Variants in PLAC1 observed in about 807,000 individuals in gnomAD.
PLAC1 encodes the protein placenta associated 1.
For missense variants in PLAC1, 136 were observed against 163.2 expected (o/e 0.83, Z 0.91); for synonymous variants, 68 against 62.1 (o/e 1.09, Z -0.44).
At chrX:134,690,913 G>C (rs2078534086) in intron 2 of PLAC1, among the ~76,000 whole-genome samples, 1 of 74,747 alleles carries the variant, frequency 1.3e-5, no homozygotes, top group Non-Finnish European at 2.3e-5. Context: ...CTGCACTCCA[G>C]CCTGGGCGAC....
chrX:134,581,690 G>GC (rs1312965431), intron 2 of PLAC1, among the ~76,000 whole-genome samples: 5 of 109,840 alleles, frequency 4.6e-5, no homozygotes, highest in Non-Finnish European at 9.5e-5. Flanking sequence ...TGTTGGCCAG[G>GC]CTGGTCTCAA....
intron 2 of PLAC1, among the ~76,000 whole-genome samples, chrX:134,582,558 A>G (rs1250722472): frequency 3.6e-5 from 4 of 112,167 alleles, no homozygotes; most frequent in Non-Finnish European, 7.5e-5. Flanking sequence ...ACAAGGGCTT[A>G]TGGTTTTGCT....
chrX:134,644,655 C>T (rs1444554068), intron 1 of PLAC1, among the ~76,000 whole-genome samples: 1 of 108,389 alleles, frequency 9.2e-6, no homozygotes, highest in Non-Finnish European at 1.9e-5. Flanking sequence ...CATGTGTTTT[C>T]ATTGTTCAGG....
intron 1 of PLAC1, among the ~76,000 whole-genome samples, chrX:134,647,243 G>A (rs1334189931): frequency 8.9e-6 from 1 of 111,814 alleles, no homozygotes; most frequent in African/African-American, 3.3e-5. Context: ...GCAGCTGGCC[G>A]AGAAGCTCAT....
At chrX:134,738,133 A>G (rs2078707899) in intron 1 of PLAC1, among the ~76,000 whole-genome samples, 1 of 111,595 alleles carries the variant, frequency 9.0e-6, no homozygotes, top group Admixed American at 9.6e-5. Context: ...CTAAGACTAG[A>G]GAAAGGGGGA....
At chrX:134,680,108 G>T (rs754501097) in intron 2 of PLAC1, among the ~76,000 whole-genome samples, 12 of 111,809 alleles carry the variant, frequency 1.1e-4, no homozygotes, top group Non-Finnish European at 2.1e-4. Flanking sequence ...AGAAGGACAT[G>T]GGTACTCTTG....
chrX:134,682,398 T>C (rs1443263695), intron 2 of PLAC1, among the ~76,000 whole-genome samples: 1 of 111,855 alleles, frequency 8.9e-6, no homozygotes, highest in Non-Finnish European at 1.9e-5. Context: ...GAGCCCTGGC[T>C]TCTGCTCCAG....
intron 1 of PLAC1, among the ~76,000 whole-genome samples, chrX:134,613,851 GCT>G (rs777917801): frequency 9.0e-6 from 1 of 110,640 alleles, no homozygotes; most frequent in East Asian, 2.8e-4. Flanking sequence ...TTTTCTTGCC[GCT>G]CTGTTGCCAT....
chrX:134,707,533 G>T (rs1285643469), intron 2 of PLAC1, among the ~76,000 whole-genome samples: 1 of 111,627 alleles, frequency 9.0e-6, no homozygotes, highest in Non-Finnish European at 1.9e-5. Context: ...GCCCTGTGTC[G>T]AAGTGTTCTC....
intron 1 of PLAC1, among the ~76,000 whole-genome samples, chrX:134,611,788 C>T (rs73633409): frequency 0.015 from 1,703 of 110,786 alleles, 29 homozygotes; most frequent in African/African-American, 0.053. Context: ...AGACACAAGG[C>T]AGGTGTAGGT....
chrX:134,644,962 C>T (rs1052993562), intron 1 of PLAC1, among the ~76,000 whole-genome samples: 2 of 111,680 alleles, frequency 1.8e-5, no homozygotes, highest in African/African-American at 6.5e-5. Context: ...TCAAGTCACT[C>T]TCTTGCTTAA....
chrX:134,566,127 C>A lies in PLAC1; in HGVS notation c.556G>T (p.Ala186Ser), dbSNP rs760363391. ...VPCHQAGAQE[A>S]QPLQPSHFLD... is the part of the protein sequence containing the mutation. The stretch of plus-strand genomic sequence containing the variant: ...AAGTGAGATGGCTGCAGAGGTTGAG[C>A]CTCCTGAGCCCCTGCTTGGTGACAA... The change falls in exon 3 of 3, where the codon GCT becomes TCT. Residue 186 changes from alanine to serine, a missense_variant. Coordinates refer to ENST00000359237, the MANE Select transcript of PLAC1 (RefSeq NM_021796.4). The A allele has an allele frequency of 7.3e-5, 88 of 1,207,594 alleles. No individual in the cohort carries two copies. In the South Asian group the frequency reaches 1.5e-3, roughly 20 times the overall value.
intron 1 of PLAC1, among the ~76,000 whole-genome samples, chrX:134,627,119 A>C (rs1425039429): frequency 9.0e-6 from 1 of 111,436 alleles, no homozygotes; most frequent in African/African-American, 3.3e-5. Flanking sequence ...AAAATTAAGT[A>C]ATGAAGAGAG....
intron 2 of PLAC1, among the ~76,000 whole-genome samples, chrX:134,694,880 A>G (rs954013350): frequency 7.1e-5 from 8 of 112,404 alleles, no homozygotes; most frequent in African/African-American, 2.6e-4. Flanking sequence ...CTGACTGAAT[A>G]CATTTGCTTT....
intron 2 of PLAC1, among the ~76,000 whole-genome samples, chrX:134,579,410 A>G (rs1395848587): frequency 8.9e-6 from 1 of 112,101 alleles, no homozygotes; most frequent in African/African-American, 3.2e-5. Context: ...ACCATGAAAG[A>G]AAAGGAAAGT....
chrX:134,710,986 A>T (rs2078626470), intron 2 of PLAC1, among the ~76,000 whole-genome samples: 1 of 112,072 alleles, frequency 8.9e-6, no homozygotes, highest in African/African-American at 3.2e-5. Context: ...CTGTACTAAG[A>T]TACTAATAAC....
chrX:134,707,444 T>C (rs1332443948), intron 2 of PLAC1, among the ~76,000 whole-genome samples: 3 of 112,351 alleles, frequency 2.7e-5, no homozygotes, highest in Non-Finnish European at 5.6e-5. Context: ...CCTAATGCTA[T>C]TGCTCCCCCA....
In PLAC1 at chrX:134,658,384, T is replaced by C. The variant is rs1197217306; in HGVS notation, c.-187A>G. On this transcript the variant is annotated 5_prime_UTR_variant, in exon 1 of 3. Coordinates refer to ENST00000359237, the MANE Select transcript of PLAC1 (RefSeq NM_021796.4). ...GCTGTGTCTGTATTTGCCCCCAGGA[T>C]TGGAAAAATGTATCTCAGTCACTGG... The C allele has an allele frequency of 8.9e-6, 1 of 112,566 alleles. No homozygotes were observed. The highest frequency in any genetic ancestry group is 3.2e-5 in the African/African-American group (1 of 30,944). 9.3% of individuals were successfully genotyped at this position (112,566 alleles called of 1,213,427 possible).
chrX:134,655,616 C>T (rs1357901391), intron 1 of PLAC1, among the ~76,000 whole-genome samples: 1 of 111,884 alleles, frequency 8.9e-6, no homozygotes, highest in Non-Finnish European at 1.9e-5. Context: ...ACTTATGTCC[C>T]TTTAGTGTCG....
Sources: allele counts gnomAD v4.1 joint callset (sites outside exome capture counted in the v4.1 genomes callset), GRCh38; gene constraint gnomAD v4.1.1; transcripts MANE v1.5; gene names NCBI Gene and HGNC (gene_info 2026-07-23, HGNC 2026-07-21).